Variants in CRISPLD1 observed in about 807,000 individuals in gnomAD.
The protein encoded by CRISPLD1 is cysteine rich secretory protein LCCL domain containing 1.
CRISPLD1 carries 60 observed loss-of-function variants against 77.5 expected under a neutral mutation model. The ratio of observed to expected loss-of-function variants is 0.77; its 90% CI spans 0.63 to 0.96. The LOEUF (loss-of-function observed/expected upper bound fraction) is 0.96. Among genes scored for constraint, CRISPLD1 ranks in the 40% least tolerant of loss-of-function variants. The probability of loss-of-function intolerance (pLI) is 0.00; values close to 1 mark genes in which losing one functional copy is unlikely to be tolerated. For missense variants in CRISPLD1, 623 were observed against 615.8 expected (o/e 1.01, Z -0.12); for synonymous variants, 195 against 200.1 (o/e 0.97, Z 0.22).
At chr8:75,023,208 T>C (rs1813169908) in intron 12 of CRISPLD1, among the ~76,000 whole-genome samples, 1 of 152,146 alleles carries the variant, frequency 6.6e-6, no homozygotes, top group East Asian at 1.9e-4. Context: ...TGAACTCATC[T>C]AAGTAGAAAC....
At chr8:74,996,899 G>A (rs1433602049) in intron 2 of CRISPLD1, among the ~76,000 whole-genome samples, 1 of 151,590 alleles carries the variant, frequency 6.6e-6, no homozygotes, top group East Asian at 1.9e-4. Context: ...TAAATTTTTT[G>A]TAGAGATTGG....
At chr8:75,000,478 G>A (rs1484818081) in intron 2 of CRISPLD1, 8 of 960,860 alleles carry the variant, frequency 8.3e-6, no homozygotes, top group African/African-American at 3.5e-5. Context: ...TATTCCGTAT[G>A]CCTTGAGATT....
In CRISPLD1 at chr8:75,034,044, C is replaced by T. The variant is rs1214891225; in HGVS notation, c.*1802C>T. On this transcript the variant is annotated 3_prime_UTR_variant, in exon 15 of 15. Coordinates refer to ENST00000262207, the MANE Select transcript of CRISPLD1 (RefSeq NM_031461.6). ...GTTTAGATCTCCATCATCAATTCCA[C>T]TTACTATTGTAATACCTTCAGCTGG... 3.3e-5 allele frequency: 5 copies of T among 152,044 alleles called. No homozygotes were observed. The highest frequency in any genetic ancestry group is 2.6e-4 in the Admixed American group (4 of 15,264). 9.4% of individuals were successfully genotyped at this position (152,044 alleles called of 1,614,324 possible).
chr8:75,000,318 A>C, intron 2 of CRISPLD1: 1 of 985,376 alleles, frequency 1.0e-6, no homozygotes, highest in Non-Finnish European at 1.2e-6. Flanking sequence ...AGAGAGGGGC[A>C]GCTCTTGAAG....
In CRISPLD1 at chr8:74,986,151, G is replaced by A. The variant is rs755877762; in HGVS notation, c.164G>A (p.Arg55Lys). The change falls in exon 2 of 15, where the codon AGG becomes AAG. Residue 55 changes from arginine (R) to lysine (K), a missense_variant. Transcript: ENST00000262207. ...TGGATAGCCAAACAACGAGGGAAAAGGGCCATCACAGACAATGACATGCAG... is the reference window on the plus strand; with the variant it reads ...TGGATAGCCAAACAACGAGGGAAAAAGGCCATCACAGACAATGACATGCAG... ...EWWIAKQRGK[R>K]AITDNDMQSI... 1.2e-6 allele frequency: 2 copies of A among 1,614,024 alleles called. No individual in the cohort carries two copies. Among genetic ancestry groups the A allele is most frequent in the East Asian group, 4.5e-5 (2 of 44,888 alleles).
At chr8:75,013,886 G>C (rs976870690) in intron 4 of CRISPLD1, 101 bp from the exon 5 acceptor site, 1 of 748,802 alleles carries the variant, frequency 1.3e-6, no homozygotes, top group East Asian at 2.5e-5. Flanking sequence ...AATGATAAAC[G>C]TTGGCTTCTC....
Position 75,016,546 on chromosome 8 carries a change from A to T in CRISPLD1, c.728-19A>T. 2 of 1,598,038 alleles carry T rather than the reference A, an allele frequency of 1.3e-6. No individual in the cohort carries two copies. The highest frequency in any genetic ancestry group is 1.7e-6 in the Non-Finnish European group (2 of 1,172,638). On this transcript the variant is annotated intron_variant, in intron 6 of 14. Transcript: ENST00000262207. ...TGTAAAATAGGGTTAATATTTCCTAAATCTGCTTTCTCTAACAGAAGGGTC... is the reference window on the plus strand; with the variant it reads ...TGTAAAATAGGGTTAATATTTCCTATATCTGCTTTCTCTAACAGAAGGGTC...
At position 75,033,778 on chromosome 8, in the gene CRISPLD1, A is replaced by C. The variant is rs1337514217; in HGVS notation, c.*1536A>C. The C allele has an allele frequency of 6.6e-6, 1 of 152,054 alleles. No individual in the cohort carries two copies. The highest frequency in any genetic ancestry group is 3.2e-3 in the Middle Eastern group (1 of 316). The allele number at this position is 152,054 out of a possible 1,614,324, so 9.4% of individuals were successfully genotyped here. On this transcript the variant is annotated 3_prime_UTR_variant, in exon 15 of 15. Coordinates refer to ENST00000262207, the MANE Select transcript of CRISPLD1 (RefSeq NM_031461.6). The stretch of plus-strand genomic sequence containing the variant: ...AGACATCAACATTTTTGATCATATA[A>C]TAAGTACTGGCTTACAGCTAAGTGG...
At chr8:75,003,049 TTCAAGGAAAACAGGAAACC>T (rs1378503200) in intron 2 of CRISPLD1, among the ~76,000 whole-genome samples, 1 of 152,202 alleles carries the variant, frequency 6.6e-6, no homozygotes, top group Non-Finnish European at 1.5e-5. Context: ...CTTCATGGCA[TTCAAGGAAAACAGGAAACC>T]GTATGTTGTT....
chr8:74,992,227 A>C (rs1435747786), intron 2 of CRISPLD1, among the ~76,000 whole-genome samples: 1 of 152,220 alleles, frequency 6.6e-6, no homozygotes, highest in Non-Finnish European at 1.5e-5. Context: ...GGATATCACC[A>C]AAACCAGAGA....
intron 2 of CRISPLD1, among the ~76,000 whole-genome samples, chr8:74,988,888 A>G (rs1012302558): frequency 6.6e-6 from 1 of 152,238 alleles, no homozygotes; most frequent in Non-Finnish European, 1.5e-5. Context: ...TAAAGAGCTC[A>G]TTGGCGTTGA....
At chr8:75,004,133 T>C (rs1025185698) in intron 2 of CRISPLD1, among the ~76,000 whole-genome samples, 1 of 152,202 alleles carries the variant, frequency 6.6e-6, no homozygotes, top group East Asian at 1.9e-4. Flanking sequence ...TCTCTGAATT[T>C]GCAGGAGACC....
chr8:74,986,306 A>ATGAAGACTGCTGACT, intron 2 of CRISPLD1, 61 bp downstream of exon 2: 2 of 1,477,642 alleles, frequency 1.4e-6, no homozygotes, highest in Non-Finnish European at 1.9e-6. Context: ...TTCAGTCAGC[A>ATGAAGACTGCTGACT]GTCTTCATGC....
intron 7 of CRISPLD1, 55 bp downstream of exon 7, chr8:75,016,760 A>G (rs1813036798): frequency 3.2e-6 from 5 of 1,562,252 alleles, no homozygotes; most frequent in Non-Finnish European, 4.3e-6. Context: ...TGGTATATCC[A>G]TCAAGATTTT....
At chr8:75,021,420 A>G (rs1295397792) in intron 12 of CRISPLD1, among the ~76,000 whole-genome samples, 2 of 152,232 alleles carry the variant, frequency 1.3e-5, no homozygotes, top group African/African-American at 4.8e-5. Context: ...ATTTTTGGTC[A>G]GCTAACTTGG....
chr8:75,006,240 C>T (rs1266507815), intron 2 of CRISPLD1, among the ~76,000 whole-genome samples: 1 of 152,054 alleles, frequency 6.6e-6, no homozygotes, highest in African/African-American at 2.4e-5. Context: ...TATCATGGGC[C>T]AGTATTTGTC....
intron 12 of CRISPLD1, among the ~76,000 whole-genome samples, chr8:75,023,680 T>G (rs1375925539): frequency 2.6e-5 from 4 of 152,200 alleles, no homozygotes; most frequent in Non-Finnish European, 2.9e-5. Flanking sequence ...GGAAAATTGT[T>G]GATGCTATCA....
At chr8:75,030,647 G>GC (rs1438224027) in intron 14 of CRISPLD1, among the ~76,000 whole-genome samples, 16 of 151,508 alleles carry the variant, frequency 1.1e-4, no homozygotes, top group African/African-American at 3.9e-4. Flanking sequence ...AGCTTCGACA[G>GC]CCCTGAAATG....
At position 74,985,999 on chromosome 8, in the gene CRISPLD1, C is replaced by T. The variant is rs182949422; in HGVS notation, c.12C>T (p.Thr4=). The part of the protein sequence containing the change: MKC[T]AREWLRVTTV... Reference sequence around the variant, plus strand: ...TGAGGTCATTCATTATGAAGTGTACCGCGCGGGAGTGGCTCAGAGTAACCA... The same window carrying T: ...TGAGGTCATTCATTATGAAGTGTACTGCGCGGGAGTGGCTCAGAGTAACCA... The change falls in exon 2 of 15, where the codon ACC becomes ACT. Residue 4 remains threonine, a synonymous_variant. Coordinates refer to ENST00000262207, the MANE Select transcript of CRISPLD1 (RefSeq NM_031461.6). 7 of 1,613,260 alleles carry T rather than the reference C, an allele frequency of 4.3e-6. No individual in the cohort carries two copies. The East Asian group carries it at 6.7e-5, about 15-fold the overall frequency.
Sources: gnomAD v4.1 joint callset for allele counts (sites outside exome capture counted in the v4.1 genomes callset) on GRCh38, gnomAD v4.1.1 for gene constraint, MANE v1.5 for transcripts, NCBI Gene and HGNC (gene_info 2026-07-23, HGNC 2026-07-21) for gene names.